The following RBMS1 variants were observed in gnomAD, a reference collection of about 807,000 sequenced individuals.
RBMS1 encodes RNA binding motif single stranded interacting protein 1.
Under a neutral mutation model 62.3 loss-of-function variants are expected in RBMS1, and 17 were observed. That is an observed-to-expected ratio of 0.27 (90% CI 0.19 to 0.41). RBMS1 has a LOEUF of 0.41. RBMS1 is among the 10% of genes least tolerant of loss of function. RBMS1 has a pLI of 1.00. For synonymous variants in RBMS1, 172 were observed against 170.0 expected (o/e 1.01, Z -0.09); for missense variants, 334 against 504.5 (o/e 0.66, Z 3.24).
intron 1 of RBMS1, among the ~76,000 whole-genome samples, chr2:160,378,720 T>C (rs560468656): frequency 3.4e-4 from 52 of 152,146 alleles, no homozygotes; most frequent in Non-Finnish European, 6.3e-4. Context: ...AAAGAATCAC[T>C]AGAATTGCCT....
intron 1 of RBMS1, among the ~76,000 whole-genome samples, chr2:160,374,262 AAAAC>A (rs569322847): frequency 3.9e-5 from 6 of 152,172 alleles, no homozygotes; most frequent in Admixed American, 6.5e-5. Flanking sequence ...CTCAAAAACA[AAAAC>A]AAACAAACAA....
chr2:160,493,704 T>C lies in RBMS1; in HGVS notation c.-341A>G. 3 of 361,120 alleles carry C rather than the reference T, an allele frequency of 8.3e-6. No individual in the cohort carries two copies. In the South Asian group the frequency reaches 8.8e-5, roughly 11 times the overall value. 22.4% of individuals were successfully genotyped at this position (361,120 alleles called of 1,614,324 possible). A position where few individuals can be genotyped will look rare whatever the true frequency, so the allele number is the denominator to read the frequency against. ...CCGGGGCTGCCAAGGGCTGGCGCGC[T>C]GGCCGCGGTCCGCTCGGGCGAGCCG... is the stretch of plus-strand genomic sequence containing the variant. On this transcript the variant is annotated 5_prime_UTR_variant, in exon 1 of 14. Coordinates refer to ENST00000348849, the MANE Select transcript of RBMS1 (RefSeq NM_016836.4).
chr2:160,334,336 GCTATGACAAGTACTTGACTT>G (rs1294286080), intron 2 of RBMS1, among the ~76,000 whole-genome samples: 2 of 152,162 alleles, frequency 1.3e-5, no homozygotes, highest in Non-Finnish European at 2.9e-5. Context: ...CCAGGAGAGA[GCTATGACAAGTACTTGACTT>G]CTATGACAAA....
At chr2:160,398,608 G>A (rs773671405) in intron 1 of RBMS1, among the ~76,000 whole-genome samples, 11 of 152,042 alleles carry the variant, frequency 7.2e-5, no homozygotes, top group Admixed American at 1.3e-4. Flanking sequence ...AGTATCCCTG[G>A]TGTCTGGACA....
chr2:160,389,698 CAAAAAAAAAAA>C (rs61570926), intron 1 of RBMS1, among the ~76,000 whole-genome samples: 3 of 50,380 alleles, frequency 6.0e-5, no homozygotes, highest in African/African-American at 2.6e-4. Flanking sequence ...ACTCTTGTCT[CAAAAAAAAAAA>C]AAAAAAAAAA....
intron 1 of RBMS1, among the ~76,000 whole-genome samples, chr2:160,441,832 G>A (rs72976737): frequency 0.025 from 3,820 of 152,258 alleles, 69 homozygotes; most frequent in Middle Eastern, 0.061. Flanking sequence ...GGTGTTGGCC[G>A]TCTTTTTTAT....
intron 12 of RBMS1, 113 bp from the exon 13 acceptor site, chr2:160,275,827 A>T (rs982371940): frequency 5.5e-6 from 8 of 1,450,394 alleles, no homozygotes; most frequent in Admixed American, 2.0e-5. Flanking sequence ...CTTTAAAGTA[A>T]ATTTCTTCAC....
chr2:160,489,378 G>A (rs1685728795), intron 1 of RBMS1, among the ~76,000 whole-genome samples: 1 of 152,106 alleles, frequency 6.6e-6, no homozygotes, highest in African/African-American at 2.4e-5. Flanking sequence ...TACTTCTTAT[G>A]ACACAAAGCG....
chr2:160,352,674 A>G (rs1306873927), intron 2 of RBMS1, among the ~76,000 whole-genome samples: 2 of 152,152 alleles, frequency 1.3e-5, no homozygotes, highest in Non-Finnish European at 2.9e-5. Context: ...AAGTCTGCAC[A>G]TGTCCGTTCA....
intron 1 of RBMS1, among the ~76,000 whole-genome samples, chr2:160,460,994 C>T (rs1238888033): frequency 6.6e-6 from 1 of 152,216 alleles, no homozygotes; most frequent in Non-Finnish European, 1.5e-5. Context: ...TAAGGTGGCT[C>T]ACGCCTGTAA....
intron 6 of RBMS1, among the ~76,000 whole-genome samples, chr2:160,296,481 G>A (rs1316711769): frequency 6.6e-6 from 1 of 152,124 alleles, no homozygotes; most frequent in African/African-American, 2.4e-5. Flanking sequence ...ATTTCTAATG[G>A]TAAACATCAG....
rs533070206 is a variant in RBMS1, at chr2:160,317,390, T to C, written c.310+779A>G. On this transcript the variant is annotated intron_variant, in intron 3 of 13. Transcript: ENST00000348849. ...TTATTTCAATTCATGGGGTCAGTAG[T>C]TAGATTCAAAGTCAGCTGACTCTAT... Among the ~76,000 whole-genome samples the C allele has an allele frequency of 1.6e-3, 244 of 152,256 alleles. 1 individual carries two copies. Among genetic ancestry groups the C allele is most frequent in the Non-Finnish European group, 2.1e-3 (145 of 68,016 alleles).
intron 6 of RBMS1, among the ~76,000 whole-genome samples, chr2:160,288,381 T>C (rs1688515334): frequency 1.3e-5 from 2 of 152,212 alleles, no homozygotes; most frequent in African/African-American, 4.8e-5. Flanking sequence ...CACCCACTAA[T>C]GACAGGGTGG....
intron 3 of RBMS1, among the ~76,000 whole-genome samples, chr2:160,313,568 T>TA (rs1437334352): frequency 2.7e-5 from 4 of 148,836 alleles, no homozygotes; most frequent in Non-Finnish European, 6.0e-5. Flanking sequence ...AAAAGAAATT[T>TA]AAAAAAAAAG....
intron 1 of RBMS1, among the ~76,000 whole-genome samples, chr2:160,469,302 G>A (rs914820576): frequency 3.3e-5 from 5 of 151,892 alleles, no homozygotes; most frequent in African/African-American, 7.3e-5. Flanking sequence ...TCAAACCAGC[G>A]TCCTGTCCTC....
At chr2:160,397,543 G>C (rs1387941165) in intron 1 of RBMS1, among the ~76,000 whole-genome samples, 4 of 151,896 alleles carry the variant, frequency 2.6e-5, no homozygotes, top group Non-Finnish European at 5.9e-5. Flanking sequence ...AAATAATCTT[G>C]TCTCTAGGCT....
chr2:160,403,318 AAAC>A (rs929469922), intron 1 of RBMS1, among the ~76,000 whole-genome samples: 15 of 152,228 alleles, frequency 9.9e-5, no homozygotes, highest in Admixed American at 9.8e-4. Context: ...ACTTTCTTTA[AAAC>A]AACAACAAAT....
chr2:160,464,292 A>G (rs1306804896), intron 1 of RBMS1, among the ~76,000 whole-genome samples: 1 of 152,278 alleles, frequency 6.6e-6, no homozygotes, highest in Admixed American at 6.5e-5. Context: ...ATATAATTAA[A>G]AAACAGAAAA....
intron 4 of RBMS1, among the ~76,000 whole-genome samples, chr2:160,310,329 T>A (rs529289723): frequency 2.0e-5 from 3 of 152,342 alleles, no homozygotes; most frequent in African/African-American, 7.2e-5. Flanking sequence ...CTTTTTAGGC[T>A]GTGATGTCTC....
Sources: gnomAD v4.1 joint callset for allele counts (sites outside exome capture counted in the v4.1 genomes callset) on GRCh38, gnomAD v4.1.1 for gene constraint, MANE v1.5 for transcripts, NCBI Gene and HGNC (gene_info 2026-07-23, HGNC 2026-07-21) for gene names.